Variants in MYO10 observed in about 807,000 individuals in gnomAD.
The protein encoded by MYO10 is unconventional myosin-X.
In MYO10, 133 loss-of-function variants were observed where a neutral mutation model predicts 257.3. The ratio of observed to expected loss-of-function variants is 0.52; its 90% CI spans 0.45 to 0.60. MYO10 has a LOEUF of 0.60. Ranked by LOEUF, MYO10 falls within the 20% of genes least tolerant of loss-of-function variation. MYO10 has a pLI of 0.00. For missense variants in MYO10, 2,399 were observed against 2,635.7 expected (o/e 0.91, Z 1.97); for synonymous variants, 1,104 against 1,028.6 (o/e 1.07, Z -1.40).
At chr5:16,907,688 C>T (rs916262190) in intron 1 of MYO10, among the ~76,000 whole-genome samples, 2 of 152,182 alleles carry the variant, frequency 1.3e-5, no homozygotes, top group African/African-American at 4.8e-5. Flanking sequence ...ACACAACTCA[C>T]TGTGGGAAAA....
At position 16,778,694 on chromosome 5, in the gene MYO10, T is replaced by G. The variant is rs1463662154; in HGVS notation, c.930+851A>C. On this transcript the variant is annotated intron_variant, in intron 9 of 40. Transcript: ENST00000513610. ...CACCTCTCGCTTTGCTGAGGTTTTT[T>G]TTTTTTTTTTTTTTTTGAGACGGAG... is the stretch of plus-strand genomic sequence containing the variant. 5.9e-3 allele frequency among the ~76,000 whole-genome samples: 857 copies of G among 145,516 alleles called. 4 individuals carry two copies. Among genetic ancestry groups the G allele is most frequent in the Non-Finnish European group, 8.1e-3 (535 of 66,090 alleles).
At chr5:16,766,342 T>C in intron 10 of MYO10, 144 bp from the exon 11 acceptor site, 1 of 660,714 alleles carries the variant, frequency 1.5e-6, no homozygotes, top group Non-Finnish European at 2.7e-6. Context: ...ACTCATTCCC[T>C]TAGTGAATCC....
At chr5:16,821,419 T>C (rs1742805084) in intron 2 of MYO10, among the ~76,000 whole-genome samples, 1 of 146,642 alleles carries the variant, frequency 6.8e-6, no homozygotes, top group Admixed American at 6.8e-5. Flanking sequence ...CCTTCATACA[T>C]TTGACTTCCT....
intron 2 of MYO10, among the ~76,000 whole-genome samples, chr5:16,835,827 T>C (rs925480605): frequency 3.4e-5 from 5 of 147,996 alleles, no homozygotes; most frequent in African/African-American, 1.2e-4. Flanking sequence ...AAAAAAGACA[T>C]TTTTGATAAC....
intron 4 of MYO10, among the ~76,000 whole-genome samples, chr5:16,786,354 C>A: frequency 6.6e-6 from 1 of 152,218 alleles, no homozygotes; most frequent in African/African-American, 2.4e-5. Context: ...AGAAAAAATA[C>A]GGCTGGAAAT....
chr5:16,915,792 A>C (rs40983), intron 1 of MYO10, among the ~76,000 whole-genome samples: 107,717 of 151,924 alleles, frequency 0.71, 38,345 homozygotes, highest in East Asian at 0.81. Context: ...CCAGTCTCCA[A>C]TAAAAATATA....
At chr5:16,779,393 A>C (rs1466751678) in intron 9 of MYO10, among the ~76,000 whole-genome samples, 152 bp downstream of exon 9, 1 of 152,180 alleles carries the variant, frequency 6.6e-6, no homozygotes, top group Non-Finnish European at 1.5e-5. Context: ...CATGACTTGG[A>C]ACAAGAAGGA....
Position 16,670,405 on chromosome 5 carries a change from TA to T in MYO10, c.5883+120del, listed in dbSNP as rs951292393. The T allele has an allele frequency of 1.6e-5, 14 of 848,552 alleles. No homozygotes were observed. In the African/African-American group the frequency reaches 2.3e-4, roughly 14 times the overall value. The allele number at this position is 848,552 out of a possible 1,614,324, so 52.6% of individuals were successfully genotyped here. ...AATGGTACAATTCTGGGGGCTCGAA[TA>T]AAAGAGGTTGAGAGAGCAAAATGCT... is the stretch of plus-strand genomic sequence containing the variant. On this transcript the variant is annotated intron_variant, in intron 39 of 40. Transcript: ENST00000513610.
Position 16,915,984 on chromosome 5 carries a change from C to T in MYO10, c.21+19804G>A, listed in dbSNP as rs372470356. On this transcript the variant is annotated intron_variant, in intron 1 of 40. Coordinates refer to ENST00000513610, the MANE Select transcript of MYO10 (RefSeq NM_012334.3). Reference sequence around the variant, plus strand: ...AAAGAAAAAAAAAAAAAAAATCACTCACCATACATTTCTTATCCTGAATCT... The same window carrying T: ...AAAGAAAAAAAAAAAAAAAATCACTTACCATACATTTCTTATCCTGAATCT... 1.2e-4 allele frequency: 52 copies of T among 446,202 alleles called. 1 individual carries two copies. The highest frequency in any genetic ancestry group is 9.9e-4 in the African/African-American group (49 of 49,348). 27.6% of individuals were successfully genotyped at this position (446,202 alleles called of 1,614,324 possible).
intron 22 of MYO10, 124 bp downstream of exon 22, chr5:16,704,455 T>G (rs976571241): frequency 2.7e-6 from 2 of 743,126 alleles, no homozygotes; most frequent in South Asian, 3.8e-5. Context: ...AGTGGCTGCT[T>G]AGGAGGCCTG....
At chr5:16,738,092 G>C in intron 19 of MYO10, 1 of 973,904 alleles carries the variant, frequency 1.0e-6, no homozygotes, top group Non-Finnish European at 1.2e-6. Flanking sequence ...CCAAAGCTTA[G>C]AGGAGGGTTT....
chr5:16,795,289 T>C (rs527616505), intron 3 of MYO10, among the ~76,000 whole-genome samples: 1 of 152,294 alleles, frequency 6.6e-6, no homozygotes, highest in East Asian at 1.9e-4. Context: ...GTGCAGAGTT[T>C]CTATTTAGGG....
In MYO10 at chr5:16,666,724, G is replaced by C. The variant is rs562600770; in HGVS notation, c.6145C>G (p.Arg2049Gly). The change falls in exon 41 of 41, where the codon CGC becomes GGC. Residue 2049 changes from arginine (R) to glycine (G), a missense_variant. Physicochemically the swap from Arg to Gly is moderately radical, Grantham distance 125. Coordinates refer to ENST00000513610, the MANE Select transcript of MYO10 (RefSeq NM_012334.3). Reference protein sequence around the residue: ...MIVKKRYSTTRSASSQGSSR With the variant: ...MIVKKRYSTTGSASSQGSSR ...GAGCTGCCCTGGCTGCTGGCGGAGCGTGTCGTGCTGTAGCGCTTCTTCACG... is the reference window on the plus strand; with the variant it reads ...GAGCTGCCCTGGCTGCTGGCGGAGCCTGTCGTGCTGTAGCGCTTCTTCACG... 6.2e-7 allele frequency: 1 copy of C among 1,606,804 alleles called. No homozygotes were observed. Among genetic ancestry groups the C allele is most frequent in the Non-Finnish European group, 8.5e-7 (1 of 1,178,066 alleles).
chr5:16,848,974 G>C (rs1049385591), intron 2 of MYO10, among the ~76,000 whole-genome samples: 3 of 152,102 alleles, frequency 2.0e-5, no homozygotes, highest in Non-Finnish European at 2.9e-5. Context: ...ACTTCTTCTT[G>C]AAACAGGGTT....
At position 16,668,271 on chromosome 5, in the gene MYO10, T is replaced by C; in HGVS notation, c.6075+6A>G. On this transcript the variant is annotated splice_donor_region_variant and intron_variant, in intron 40 of 40. Coordinates refer to ENST00000513610, the MANE Select transcript of MYO10 (RefSeq NM_012334.3). Reference sequence around the variant, plus strand: ...AATAAAAAGATGAACTTGCTTTGCCTCTTACCTCACTGGTTTCAAAGAGCA... The same window carrying C: ...AATAAAAAGATGAACTTGCTTTGCCCCTTACCTCACTGGTTTCAAAGAGCA... 6.2e-7 allele frequency: 1 copy of C among 1,606,352 alleles called. No individual in the cohort carries two copies. Among genetic ancestry groups the C allele is most frequent in the Non-Finnish European group, 8.5e-7 (1 of 1,177,008 alleles).
intron 37 of MYO10, among the ~76,000 whole-genome samples, chr5:16,672,058 G>GCCCA (rs2126466672): frequency 6.6e-6 from 1 of 152,272 alleles, no homozygotes; most frequent in African/African-American, 2.4e-5. Context: ...ACTTTGGGAG[G>GCCCA]CCCAGGTGGG....
chr5:16,678,501 AC>A (rs1265516797), intron 33 of MYO10, among the ~76,000 whole-genome samples: 2 of 151,992 alleles, frequency 1.3e-5, no homozygotes, highest in African/African-American at 2.4e-5. Context: ...AATTGCTTGA[AC>A]CCGGGAGGCG....
Position 16,694,403 on chromosome 5 carries a change from C to A in MYO10, c.3768G>T (p.Lys1256Asn), listed in dbSNP as rs1392734914. 6 of 1,614,064 alleles carry A rather than the reference C, an allele frequency of 3.7e-6. No homozygotes were observed. The highest frequency in any genetic ancestry group is 4.2e-6 in the Non-Finnish European group (5 of 1,179,908). Reference protein sequence around the residue: ...LMYFENDSEEKLKGTVEVRTA... With the variant: ...LMYFENDSEENLKGTVEVRTA... The stretch of plus-strand genomic sequence containing the variant: ...TTCGCACTTCTACGGTGCCCTTGAG[C>A]TTCTCCTCGCTGTCGTTTTCAAAGT... The change falls in exon 27 of 41, where the codon AAG becomes AAT. Residue 1256 changes from lysine (K) to asparagine (N), a missense_variant. Coordinates refer to ENST00000513610, the MANE Select transcript of MYO10 (RefSeq NM_012334.3).
At chr5:16,815,956 A>G (rs573555431) in intron 3 of MYO10, among the ~76,000 whole-genome samples, 15 of 151,932 alleles carry the variant, frequency 9.9e-5, no homozygotes, top group African/African-American at 3.4e-4. Flanking sequence ...GGAAGACAGC[A>G]TGATTGAATT....
Sources: allele counts gnomAD v4.1 joint callset (sites outside exome capture counted in the v4.1 genomes callset), GRCh38; gene constraint gnomAD v4.1.1; transcripts MANE v1.5; gene names NCBI Gene and HGNC (gene_info 2026-07-23, HGNC 2026-07-21).